Variants in PCDH15 observed in about 807,000 individuals in gnomAD.
PCDH15 encodes the protein protocadherin-15.
PCDH15 carries 129 observed loss-of-function variants against 178.5 expected under a neutral mutation model. That is an observed-to-expected ratio of 0.72 (90% CI 0.63 to 0.84). The LOEUF is 0.84. Ranked by LOEUF, PCDH15 falls within the 40% of genes least tolerant of loss-of-function variation. The pLI is 0.00. For synonymous variants in PCDH15, 800 were observed against 732.0 expected, an observed-to-expected ratio of 1.09 and a Z score of -1.50; for missense variants, 2,230 against 2,099.9, an observed-to-expected ratio of 1.06 and a Z score of -1.21.
chr10:55,380,427 A>G (rs1282985054), intron 2 of PCDH15, among the ~76,000 whole-genome samples: 1 of 152,204 alleles, frequency 6.6e-6, no homozygotes, highest in Non-Finnish European at 1.5e-5. Flanking sequence ...TTGAGTAAAG[A>G]AATAATAGCT....
intron 2 of PCDH15, among the ~76,000 whole-genome samples, chr10:55,049,221 T>C (rs1452264537): frequency 6.6e-6 from 1 of 151,996 alleles, no homozygotes; most frequent in African/African-American, 2.4e-5. Flanking sequence ...AAATAAGTTC[T>C]AATATAGCAC....
At chr10:53,874,238 T>A (rs1044393538) in intron 26 of PCDH15, among the ~76,000 whole-genome samples, 2 of 152,138 alleles carry the variant, frequency 1.3e-5, no homozygotes, top group African/African-American at 4.8e-5. Flanking sequence ...AAAGTGAGTC[T>A]ATTAAGATTT....
At chr10:55,424,911 A>C (rs192583597) in intron 2 of PCDH15, among the ~76,000 whole-genome samples, 41 of 152,108 alleles carry the variant, frequency 2.7e-4, no homozygotes, top group Admixed American at 1.3e-3. Flanking sequence ...TGTGATATTA[A>C]AAAATATAAT....
At chr10:55,127,141 C>A (rs1837922114) in intron 2 of PCDH15, among the ~76,000 whole-genome samples, 1 of 152,030 alleles carries the variant, frequency 6.6e-6, no homozygotes, top group Non-Finnish European at 1.5e-5. Context: ...TTATCCTATT[C>A]CAGTGAATCA....
intron 2 of PCDH15, among the ~76,000 whole-genome samples, chr10:54,942,269 G>A (rs1838082213): frequency 1.3e-5 from 2 of 152,096 alleles, no homozygotes; most frequent in South Asian, 2.1e-4. Context: ...CCACAGATAT[G>A]CTTTGCCATT....
intron 20 of PCDH15, among the ~76,000 whole-genome samples, chr10:54,010,420 T>C (rs902972886): frequency 5.3e-5 from 8 of 152,160 alleles, no homozygotes; most frequent in Non-Finnish European, 1.2e-4. Flanking sequence ...CATTTTTTGC[T>C]GCTCCACAGT....
rs199846393 is a variant in PCDH15 at position 55,535,812 on chromosome 10, ATC to A, written c.-156+91811_-156+91812del. 1.6e-3 allele frequency among the ~76,000 whole-genome samples: 245 copies of A among 152,128 alleles called. 7 individuals carry two copies. The East Asian group carries it at 0.044, about 27-fold the overall frequency. ...TCTTAACACTTCATGCCAAATTAAT[ATC>A]TGTTTCCACTCTATTTAGGGATACA... On this transcript the variant is annotated intron_variant, in intron 2 of 5. Transcript: ENST00000613346.
rs541413803 is a variant in PCDH15 at position 54,123,374 on chromosome 10, C to G, written c.1917+9501G>C. Among the ~76,000 whole-genome samples, 7 of 152,194 alleles carry G rather than the reference C, an allele frequency of 4.6e-5. 1 individual carries two copies. In the East Asian group the frequency reaches 1.2e-3, roughly 25 times the overall value. On this transcript the variant is annotated intron_variant, in intron 15 of 37. Transcript: ENST00000644397. ...AATGAGTAAAAGACATTAATAGGCA[C>G]TTCTCAACAGAAAGGGATACAAGTA...
intron 2 of PCDH15, among the ~76,000 whole-genome samples, chr10:55,419,338 A>C (rs1838562246): frequency 6.6e-6 from 1 of 151,798 alleles, no homozygotes; most frequent in African/African-American, 2.4e-5. Context: ...GTAAGTAAGC[A>C]GGTGTCCATA....
chr10:54,976,751 A>G (rs1269759102), intron 2 of PCDH15, among the ~76,000 whole-genome samples: 1 of 152,196 alleles, frequency 6.6e-6, no homozygotes, highest in Non-Finnish European at 1.5e-5. Flanking sequence ...TCTTAGCAGA[A>G]CTTAGATTCC....
chr10:54,648,225 A>G (rs1249837675), intron 2 of PCDH15, among the ~76,000 whole-genome samples: 1 of 152,128 alleles, frequency 6.6e-6, no homozygotes, highest in Non-Finnish European at 1.5e-5. Flanking sequence ...CACTGCACCC[A>G]ACCCAGTACA....
intron 3 of PCDH15, among the ~76,000 whole-genome samples, chr10:54,479,637 A>C (rs749202446): frequency 2.0e-4 from 30 of 152,034 alleles, no homozygotes; most frequent in Non-Finnish European, 4.1e-4. Flanking sequence ...TGGTGAAATT[A>C]CTGGCTCCAT....
chr10:54,170,182 A>T (rs930474402), intron 13 of PCDH15, among the ~76,000 whole-genome samples: 1 of 149,312 alleles, frequency 6.7e-6, no homozygotes, highest in African/African-American at 2.5e-5. Flanking sequence ...TCTGTTACCT[A>T]TCTCAGCATA....
intron 2 of PCDH15, among the ~76,000 whole-genome samples, chr10:55,139,576 A>G (rs1486280003): frequency 2.6e-5 from 4 of 151,992 alleles, no homozygotes; most frequent in African/African-American, 7.2e-5. Flanking sequence ...TGCTTTTGCA[A>G]TTGTGTCAAA....
At chr10:54,384,168 A>T (rs188688703) in intron 3 of PCDH15, among the ~76,000 whole-genome samples, 162 of 152,112 alleles carry the variant, frequency 1.1e-3, no homozygotes, top group Non-Finnish European at 2.1e-3. Flanking sequence ...TGAAAGATTG[A>T]TTTGAAAAGA....
intron 16 of PCDH15, among the ~76,000 whole-genome samples, chr10:54,081,515 T>C (rs2094436842): frequency 6.6e-6 from 1 of 152,082 alleles, no homozygotes; most frequent in African/African-American, 2.4e-5. Flanking sequence ...GACTCAGTGT[T>C]GTAGGCAGTT....
At chr10:53,902,438 T>G (rs2082393566) in intron 26 of PCDH15, among the ~76,000 whole-genome samples, 1 of 152,070 alleles carries the variant, frequency 6.6e-6, no homozygotes, top group Non-Finnish European at 1.5e-5. Flanking sequence ...ATGTTTAGGT[T>G]TTATGTGCAA....
chr10:54,502,038 T>C (rs1589745582), intron 3 of PCDH15, among the ~76,000 whole-genome samples: 1 of 152,104 alleles, frequency 6.6e-6, no homozygotes, highest in South Asian at 2.1e-4. Context: ...CTCCTCCTTC[T>C]CCTCCCCTTT....
intron 2 of PCDH15, among the ~76,000 whole-genome samples, chr10:55,145,759 C>CA (rs943937530): frequency 7.8e-6 from 1 of 127,722 alleles, no homozygotes; most frequent in African/African-American, 2.7e-5. Flanking sequence ...TAAATCAGAA[C>CA]AAAAAAATAT....
Sources: gnomAD v4.1 joint callset for allele counts (sites outside exome capture counted in the v4.1 genomes callset) on GRCh38, gnomAD v4.1.1 for gene constraint, MANE v1.5 for transcripts, NCBI Gene and HGNC (gene_info 2026-07-23, HGNC 2026-07-21) for gene names.